RPF2: variants seen among roughly 807,000 people sequenced by gnomAD.
RPF2 encodes the protein ribosome production factor 2 homolog.
Under a neutral mutation model 38.9 loss-of-function variants are expected in RPF2, and 21 were observed. The observed-to-expected ratio is 0.54, with a 90% CI of 0.38 to 0.78. The LOEUF is 0.78. Ranked by LOEUF, RPF2 falls within the 30% of genes least tolerant of loss-of-function variation. RPF2 has a pLI of 0.00. For synonymous variants in RPF2, 121 were observed against 126.2 expected, an observed-to-expected ratio of 0.96 and a Z score of 0.28; for missense variants, 314 against 358.1, an observed-to-expected ratio of 0.88 and a Z score of 0.99.
chr6:111,020,060 A>G (rs1374912616), intron 8 of RPF2, among the ~76,000 whole-genome samples: 4 of 151,734 alleles, frequency 2.6e-5, no homozygotes, highest in Non-Finnish European at 5.9e-5. Context: ...AACTACTGGC[A>G]CCCGCCACCA....
At chr6:110,990,559 ACC>A (rs34703789) in intron 3 of RPF2, among the ~76,000 whole-genome samples, 11,596 of 77,366 alleles carry the variant, frequency 0.15, 771 homozygotes, top group African/African-American at 0.28. Flanking sequence ...GCAATTGGGA[ACC>A]CCCCCCCCCC....
In RPF2 at chr6:111,026,584, G is replaced by A. The variant is rs1272302982; in HGVS notation, c.*1002G>A. On this transcript the variant is annotated 3_prime_UTR_variant, in exon 10 of 10. Coordinates refer to ENST00000441448, the MANE Select transcript of RPF2 (RefSeq NM_032194.3). ...GGTGCAGGGCACTTTAGGGTACTGG[G>A]TAGCCCTAGGTAGCTAAAGGTTGCA... 6.6e-6 allele frequency: 1 copy of A among 152,190 alleles called. No homozygotes were observed. The highest frequency in any genetic ancestry group is 1.5e-5 in the Non-Finnish European group (1 of 68,048). 9.4% of individuals were successfully genotyped at this position (152,190 alleles called of 1,614,324 possible).
At chr6:110,997,127 T>G in intron 4 of RPF2, 56 bp from the exon 5 acceptor site, 1 of 1,121,732 alleles carries the variant, frequency 8.9e-7, no homozygotes, top group Non-Finnish European at 1.3e-6. Context: ...AAAGGTAAGA[T>G]TCTTAAAGTT....
chr6:110,995,201 G>A (rs1232016115), intron 4 of RPF2, among the ~76,000 whole-genome samples: 2 of 152,070 alleles, frequency 1.3e-5, no homozygotes, highest in Non-Finnish European at 2.9e-5. Context: ...CACCACACCT[G>A]GCCATAGAAA....
At position 110,991,758 on chromosome 6, in the gene RPF2, CA is replaced by C; in HGVS notation, c.208del (p.Arg70AspfsTer34). 8.2e-7 allele frequency: 1 copy of C among 1,223,838 alleles called. No homozygotes were observed. Among genetic ancestry groups the C allele is most frequent in the Non-Finnish European group, 1.1e-6 (1 of 874,820 alleles). 75.8% of individuals were successfully genotyped at this position (1,223,838 alleles called of 1,614,324 possible). A position where few individuals can be genotyped will look rare whatever the true frequency, so the allele number is the denominator to read the frequency against. On this transcript the variant is annotated frameshift_variant, in exon 4 of 10. Coordinates refer to ENST00000441448, the MANE Select transcript of RPF2 (RefSeq NM_032194.3). LOFTEE classifies it high-confidence loss of function. ...YGVLYKKKNI[T>X]RPFEDQTSLE... Reference sequence around the variant, plus strand: ...TTTGATATTCTTAGGAAAAATATTACAAGACCTTTTGAGGATCAGACATCAC... The same window carrying C: ...TTTGATATTCTTAGGAAAAATATTACAGACCTTTTGAGGATCAGACATCAC...
chr6:110,998,830 A>T (rs1771764003), intron 5 of RPF2, among the ~76,000 whole-genome samples: 1 of 151,970 alleles, frequency 6.6e-6, no homozygotes, highest in Non-Finnish European at 1.5e-5. Context: ...CTGTAATCCT[A>T]GTTACACAGG....
At chr6:111,001,108 G>T (rs1161314155) in intron 6 of RPF2, among the ~76,000 whole-genome samples, 1 of 152,180 alleles carries the variant, frequency 6.6e-6, no homozygotes, top group Non-Finnish European at 1.5e-5. Flanking sequence ...CTCAGGTACA[G>T]GTGGAACAGT....
chr6:110,989,206 C>A (rs1164055745), intron 3 of RPF2, 141 bp downstream of exon 3: 3 of 863,342 alleles, frequency 3.5e-6, no homozygotes, highest in African/African-American at 1.9e-5. Context: ...TAATTTCTTT[C>A]TTTTGGTCTG....
At chr6:111,016,566 C>T (rs1029481537) in intron 8 of RPF2, among the ~76,000 whole-genome samples, 16 of 148,824 alleles carry the variant, frequency 1.1e-4, no homozygotes, top group African/African-American at 3.5e-4. Context: ...CACTGCACTC[C>T]AGCCTGGGCA....
At chr6:110,998,485 A>G (rs550821283) in intron 5 of RPF2, among the ~76,000 whole-genome samples, 2 of 152,352 alleles carry the variant, frequency 1.3e-5, no homozygotes, top group East Asian at 3.9e-4. Context: ...CTGGAATTAC[A>G]GGCGTGAGCC....
chr6:111,003,919 T>G (rs1771858181), intron 6 of RPF2, among the ~76,000 whole-genome samples: 1 of 151,570 alleles, frequency 6.6e-6, no homozygotes. Flanking sequence ...TTCAGGAGAT[T>G]CTCCTGCCTC....
intron 4 of RPF2, among the ~76,000 whole-genome samples, chr6:110,995,007 C>A (rs1216216347): frequency 3.3e-5 from 5 of 152,046 alleles, no homozygotes; most frequent in African/African-American, 1.2e-4. Context: ...CGGGTTCAAG[C>A]GATCCTCCCA....
intron 8 of RPF2, among the ~76,000 whole-genome samples, chr6:111,023,903 G>T (rs1022433613): frequency 1.3e-5 from 2 of 152,098 alleles, no homozygotes; most frequent in South Asian, 2.1e-4. Flanking sequence ...CAGGAGAATG[G>T]CGTGAACCTG....
chr6:110,988,865 A>G, intron 2 of RPF2, 163 bp from the exon 3 acceptor site: 3 of 858,826 alleles, frequency 3.5e-6, no homozygotes, highest in East Asian at 3.2e-5. Context: ...TTAAGCTTAC[A>G]TTTCAAGTTA....
At position 111,017,614 on chromosome 6, in the gene RPF2, G is replaced by A. The variant is rs1483813643; in HGVS notation, c.596+1758G>A. Among the ~76,000 whole-genome samples the A allele has an allele frequency of 6.8e-5, 10 of 147,438 alleles. No homozygotes were observed. The East Asian group carries it at 8.6e-4, about 13-fold the overall frequency. On this transcript the variant is annotated intron_variant, in intron 8 of 9. Transcript: ENST00000441448. Reference sequence around the variant, plus strand: ...CAGAGGCGCTCCTCACATCCCAGACGGGGCGGCAGGGCAGAGGCGCTCCCC... The same window carrying A: ...CAGAGGCGCTCCTCACATCCCAGACAGGGCGGCAGGGCAGAGGCGCTCCCC...
intron 9 of RPF2, among the ~76,000 whole-genome samples, chr6:111,024,863 T>G (rs1367886528): frequency 1.2e-4 from 18 of 152,210 alleles, no homozygotes; most frequent in Admixed American, 9.2e-4. Context: ...TTTGGCTAAG[T>G]GCCTTCTGAT....
intron 4 of RPF2, among the ~76,000 whole-genome samples, chr6:110,996,112 C>G (rs1385881601): frequency 6.7e-6 from 1 of 149,392 alleles, no homozygotes; most frequent in East Asian, 2.0e-4. Context: ...GCCACTGCAC[C>G]CAGCCAGATA....
intron 7 of RPF2, among the ~76,000 whole-genome samples, chr6:111,014,537 A>C (rs1373511785): frequency 6.6e-6 from 1 of 152,230 alleles, no homozygotes; most frequent in Non-Finnish European, 1.5e-5. Flanking sequence ...AATGGGAAGC[A>C]GGAAGGAAAA....
intron 2 of RPF2, among the ~76,000 whole-genome samples, chr6:110,987,339 G>A (rs1488251874): frequency 6.6e-6 from 1 of 152,284 alleles, no homozygotes; most frequent in East Asian, 1.9e-4. Flanking sequence ...GATTACAGGA[G>A]TGAGCCACCA....
Sources: gnomAD v4.1 joint callset for allele counts (sites outside exome capture counted in the v4.1 genomes callset) on GRCh38, gnomAD v4.1.1 for gene constraint, MANE v1.5 for transcripts, NCBI Gene and HGNC (gene_info 2026-07-23, HGNC 2026-07-21) for gene names.